TRPV2: variants seen among roughly 807,000 people sequenced by gnomAD.
The protein encoded by TRPV2 is transient receptor potential cation channel subfamily V member 2, also known as OTRPC2.
A neutral mutation model predicts 91.0 loss-of-function variants in TRPV2; 58 were observed. The ratio of observed to expected loss-of-function variants is 0.64; its 90% confidence interval spans 0.52 to 0.79. The LOEUF (loss-of-function observed/expected upper bound fraction) is 0.79. Ranked by LOEUF, TRPV2 falls within the 30% of genes least tolerant of loss-of-function variation. The pLI is 0.00. For synonymous variants in TRPV2, 417 were observed against 414.8 expected, an observed-to-expected ratio of 1.01 and a Z score of -0.06; for missense variants, 807 against 969.6, an observed-to-expected ratio of 0.83 and a Z score of 2.23.
intron 4 of TRPV2, 46 bp downstream of exon 4, chr17:16,422,935 G>T (rs755717362): frequency 1.4e-5 from 22 of 1,536,622 alleles, no homozygotes; most frequent in Admixed American, 6.0e-5. Context: ...AGAGAGTAAG[G>T]CCTGGTTCAA....
At position 16,436,942 on chromosome 17, in the gene TRPV2, A is replaced by G. The variant is rs2093436349; in HGVS notation, c.*53A>G. The G allele has an allele frequency of 7.1e-7, 1 of 1,403,934 alleles. No homozygotes were observed. The highest frequency in any genetic ancestry group is 1.0e-6 in the Non-Finnish European group (1 of 991,806). The allele number at this position is 1,403,934 out of a possible 1,614,324, so 87.0% of individuals were successfully genotyped here. A position where few individuals can be genotyped will look rare whatever the true frequency, so the allele number is the denominator to read the frequency against. On this transcript the variant is annotated 3_prime_UTR_variant, in exon 15 of 15. Transcript: ENST00000338560. Reference sequence around the variant, plus strand: ...GACAGAGCAGAGGATCTTTCCAACCACATCTGCTGGCTCTGGGGTCCCAGT... The same window carrying G: ...GACAGAGCAGAGGATCTTTCCAACCGCATCTGCTGGCTCTGGGGTCCCAGT...
Position 16,423,774 on chromosome 17 carries a change from G to A in TRPV2, c.924+7G>A, listed in dbSNP as rs376308702. The A allele has an allele frequency of 1.7e-5, 27 of 1,551,762 alleles. No individual in the cohort carries two copies. In the African/African-American group the frequency reaches 1.9e-4, roughly 11 times the overall value. ...CAAGGAGGGCAAGATCGAGGTGAGC[G>A]GCTGTCCCCTTCCCACTTCCCCTCT... On this transcript the variant is annotated splice_region_variant and intron_variant, in intron 5 of 14. Transcript: ENST00000338560.
At chr17:16,433,531 C>T (rs2093422545) in intron 12 of TRPV2, 43 bp from the exon 13 acceptor site, 1 of 1,605,312 alleles carries the variant, frequency 6.2e-7, no homozygotes. Context: ...TGCCCCCAGG[C>T]AGGGTCCCAG....
intron 10 of TRPV2, among the ~76,000 whole-genome samples, chr17:16,431,281 ATATATACATATTTT>A (rs1161385540): frequency 1.5e-4 from 9 of 59,462 alleles, no homozygotes; most frequent in African/African-American, 6.0e-4. Flanking sequence ...ATATATATAT[ATATATACATATTTT>A]TTTTTTTTTT....
Position 16,426,188 on chromosome 17 carries a change from G to A in TRPV2, c.1014G>A (p.Val338=), listed in dbSNP as rs997429010. The A allele has an allele frequency of 6.2e-7, 1 of 1,614,200 alleles. No homozygotes were observed. The highest frequency in any genetic ancestry group is 1.6e-4 in the Middle Eastern group (1 of 6,062). ...FTEWCYGPVR[V]SLYDLASVDS... ...AGTGGTGCTATGGGCCTGTCCGGGTGTCGCTGTATGACCTGGCTTCTGTGG... is the reference window on the plus strand; with the variant it reads ...AGTGGTGCTATGGGCCTGTCCGGGTATCGCTGTATGACCTGGCTTCTGTGG... The change falls in exon 6 of 15, where the codon GTG becomes GTA. Residue 338 remains valine (V), a synonymous_variant. Coordinates refer to ENST00000338560, the MANE Select transcript of TRPV2 (RefSeq NM_016113.5). This position sits in a 1 kb window ranked among gnomAD's most constrained non-coding sequence, Gnocchi z 6.0.
chr17:16,426,236 G>A lies in TRPV2; in HGVS notation c.1062G>A (p.Val354=). 3.1e-6 allele frequency: 5 copies of A among 1,614,192 alleles called. No homozygotes were observed. Among genetic ancestry groups the A allele is most frequent in the Non-Finnish European group, 4.2e-6 (5 of 1,180,026 alleles). Residue 354 remains valine, a synonymous_variant, in exon 6 of 15, where the codon GTG becomes GTA. Transcript: ENST00000338560. The surrounding 1 kb of genome is among the most constrained non-coding windows in gnomAD (Gnocchi z 6.0). ...ASVDSCEENS[V]LEIIAFHCKS... ...TGGACAGCTGTGAGGAGAACTCAGT[G>A]CTGGAGATCATTGCCTTTCATTGCA...
intron 3 of TRPV2, 62 bp downstream of exon 3, chr17:16,420,310 T>C (rs2093350935): frequency 6.4e-7 from 1 of 1,564,326 alleles, no homozygotes; most frequent in African/African-American, 1.3e-5. Flanking sequence ...AGGTGGGCTG[T>C]GTGGGCTTGA....
Position 16,435,026 on chromosome 17 carries a change from C to A in TRPV2, c.2194+57C>A. On this transcript the variant is annotated intron_variant, in intron 14 of 14. Transcript: ENST00000338560. This position sits in a 1 kb window ranked among gnomAD's most constrained non-coding sequence, Gnocchi z 4.2. Reference sequence around the variant, plus strand: ...TGGGGTGTGTGTCTCTGCTGCTTGGCCACAAAGCCTTGGAGAGTCTGGGGC... The same window carrying A: ...TGGGGTGTGTGTCTCTGCTGCTTGGACACAAAGCCTTGGAGAGTCTGGGGC... 1.3e-6 allele frequency: 2 copies of A among 1,494,440 alleles called. No homozygotes were observed. The highest frequency in any genetic ancestry group is 1.8e-6 in the Non-Finnish European group (2 of 1,095,920). The allele number at this position is 1,494,440 out of a possible 1,614,324, so 92.6% of individuals were successfully genotyped here.
In TRPV2 at chr17:16,428,899, G is replaced by A. The variant is rs2093397400; in HGVS notation, c.1504G>A (p.Ala502Thr). 1 of 1,614,062 alleles carries A rather than the reference G, an allele frequency of 6.2e-7. No individual in the cohort carries two copies. Among genetic ancestry groups the A allele is most frequent in the Admixed American group, 1.7e-5 (1 of 60,012 alleles). ...IEWYLPLLVS[A>T]LVLGWLNLLY... ...GTGGTACCTGCCCCTGCTTGTGTCT[G>A]CGCTGGTGCTGGGCTGGCTGAACCT... is the stretch of plus-strand genomic sequence containing the variant. The change falls in exon 10 of 15, where the codon GCG becomes ACG. Residue 502 changes from alanine to threonine, a missense_variant. Transcript: ENST00000338560.
chr17:16,436,866 G>C lies in TRPV2; in HGVS notation c.2272G>C (p.Val758Leu). 2.5e-6 allele frequency: 4 copies of C among 1,614,054 alleles called. No homozygotes were observed. Among genetic ancestry groups the C allele is most frequent in the Non-Finnish European group, 3.4e-6 (4 of 1,179,946 alleles). Residue 758 changes from valine (V) to leucine (L), a missense_variant, in exon 15 of 15, where the codon GTC (valine) becomes CTC (leucine). Coordinates refer to ENST00000338560, the MANE Select transcript of TRPV2 (RefSeq NM_016113.5). ...TGCCTCTGAGGAAAACTATGTGCCC[G>C]TCCAGCTCCTCCAGTCCAACTGATG... is the stretch of plus-strand genomic sequence containing the variant. ...DGASEENYVPVQLLQSN is the reference protein window; with the variant it reads ...DGASEENYVPLQLLQSN
At chr17:16,419,910 T>C (rs2093348428) in intron 2 of TRPV2, among the ~76,000 whole-genome samples, 1 of 152,216 alleles carries the variant, frequency 6.6e-6, no homozygotes, top group South Asian at 2.1e-4. Context: ...GCTTAGTGCC[T>C]GGACAGGCCC....
chr17:16,434,478 A>AG, intron 13 of TRPV2, among the ~76,000 whole-genome samples: 1 of 151,790 alleles, frequency 6.6e-6, no homozygotes, highest in South Asian at 2.1e-4. Context: ...AAAAAAAAAA[A>AG]AAAAAAGAAA....
chr17:16,431,716 G>A, intron 10 of TRPV2, 68 bp from the exon 11 acceptor site: 1 of 1,441,936 alleles, frequency 6.9e-7, no homozygotes. Flanking sequence ...CTGTGGGTGA[G>A]GCAGGGTTCT....
intron 8 of TRPV2, among the ~76,000 whole-genome samples, chr17:16,427,836 G>A (rs920576486): frequency 1.3e-5 from 2 of 152,174 alleles, no homozygotes; most frequent in Non-Finnish European, 2.9e-5. Flanking sequence ...CCCTAGCCAG[G>A]CCCCTCGGCT....
Position 16,427,471 on chromosome 17 carries a change from C to T in TRPV2, c.1274C>T (p.Ala425Val), listed in dbSNP as rs1395044326. The T allele has an allele frequency of 2.0e-5, 32 of 1,613,832 alleles. No homozygotes were observed. The highest frequency in any genetic ancestry group is 7.7e-5 in the South Asian group (7 of 91,066). ...CAGCAGGCCGCCCCTCACCTGAAAG[C>T]GGAGGTTGGAAACTCCATGCTGCTG... is the stretch of plus-strand genomic sequence containing the variant. ...LKKQAAPHLK[A>V]EVGNSMLLTG... The change falls in exon 8 of 15, where the codon GCG becomes GTG. Residue 425 changes from alanine (A) to valine (V), a missense_variant. Transcript: ENST00000338560.
rs200680316 is a variant in TRPV2 at position 16,426,157 on chromosome 17, T to A, written c.983T>A (p.Phe328Tyr). The A allele has an allele frequency of 1.7e-5, 28 of 1,614,008 alleles. No individual in the cohort carries two copies. Among genetic ancestry groups the A allele is most frequent in the African/African-American group, 2.7e-5 (2 of 74,908 alleles). Reference protein sequence around the residue: ...FSGLSHLSRKFTEWCYGPVRV... With the variant: ...FSGLSHLSRKYTEWCYGPVRV... ...GGACTGAGCCACCTTTCCCGAAAGT[T>A]CACCGAGTGGTGCTATGGGCCTGTC... The change falls in exon 6 of 15, where the codon TTC (phenylalanine) becomes TAC (tyrosine). Residue 328 changes from phenylalanine (F) to tyrosine (Y), a missense_variant. Transcript: ENST00000338560. This position sits in a 1 kb window ranked among gnomAD's most constrained non-coding sequence, Gnocchi z 6.0.
chr17:16,428,732 G>A, intron 9 of TRPV2, 85 bp from the exon 10 acceptor site: 3 of 1,522,516 alleles, frequency 2.0e-6, no homozygotes, highest in Non-Finnish European at 2.7e-6. Flanking sequence ...CTAAGATGGA[G>A]GTCAGGACCT....
At chr17:16,432,381 C>T in intron 12 of TRPV2, 81 bp downstream of exon 12, 4 of 1,301,024 alleles carry the variant, frequency 3.1e-6, no homozygotes, top group Non-Finnish European at 4.2e-6. Flanking sequence ...CGGAGCTGGG[C>T]CTTCCCTAGC....
intron 4 of TRPV2, 148 bp downstream of exon 4, chr17:16,423,037 A>G: frequency 9.7e-7 from 1 of 1,029,306 alleles, no homozygotes; most frequent in Non-Finnish European, 1.4e-6. Context: ...CTGCCTGCAA[A>G]AGCAGTTTGT....
Sources: gnomAD v4.1 joint callset for allele counts (sites outside exome capture counted in the v4.1 genomes callset) on GRCh38, gnomAD v4.1.1 for gene constraint, Gnocchi (gnomAD v3.1) non-coding constraint, MANE v1.5 for transcripts, NCBI Gene and HGNC (gene_info 2026-07-23, HGNC 2026-07-21) for gene names.